The following PDE4B variants were observed in gnomAD, a reference collection of about 807,000 sequenced individuals.
The protein encoded by PDE4B is phosphodiesterase 4B.
In PDE4B, 20 loss-of-function variants were observed where a neutral mutation model predicts 82.2. The ratio of observed to expected loss-of-function variants is 0.24; its 90% CI spans 0.17 to 0.35. The LOEUF is 0.35. PDE4B is among the 10% of genes least tolerant of loss of function. The pLI is 1.00. For synonymous variants in PDE4B, 320 were observed against 318.9 expected, an observed-to-expected ratio of 1.00 and a Z score of -0.04; for missense variants, 655 against 907.2, an observed-to-expected ratio of 0.72 and a Z score of 3.57.
At chr1:66,269,415 A>G (rs1224689733) in intron 7 of PDE4B, among the ~76,000 whole-genome samples, 1 of 152,226 alleles carries the variant, frequency 6.6e-6, no homozygotes, top group Non-Finnish European at 1.5e-5. Context: ...CCAATGTTGT[A>G]GTTTAATGAG....
intron 7 of PDE4B, among the ~76,000 whole-genome samples, chr1:66,328,551 A>C (rs1414827056): frequency 2.0e-5 from 3 of 152,254 alleles, no homozygotes; most frequent in African/African-American, 7.2e-5. Flanking sequence ...CTTGTGTTTT[A>C]TAAATGATGT....
intron 1 of PDE4B, among the ~76,000 whole-genome samples, chr1:65,883,080 T>C (rs1428899836): frequency 6.6e-6 from 1 of 152,196 alleles, no homozygotes; most frequent in African/African-American, 2.4e-5. Context: ...ATATGCTTCA[T>C]AGGTTAAGAG....
At chr1:66,368,591 G>A (rs368557370) in intron 15 of PDE4B, among the ~76,000 whole-genome samples, 196 bp from the exon 16 acceptor site, 3 of 152,156 alleles carry the variant, frequency 2.0e-5, no homozygotes, top group African/African-American at 7.2e-5. Flanking sequence ...TTCCCCTTTG[G>A]GACTCTATAA....
At chr1:66,323,753 T>A (rs139706699) in intron 7 of PDE4B, among the ~76,000 whole-genome samples, 1 of 152,262 alleles carries the variant, frequency 6.6e-6, no homozygotes, top group East Asian at 1.9e-4. Flanking sequence ...AGAAGTAACA[T>A]CTTATGTAAC....
chr1:66,251,880 A>G (rs1653813994), intron 4 of PDE4B, among the ~76,000 whole-genome samples: 1 of 152,226 alleles, frequency 6.6e-6, no homozygotes, highest in African/African-American at 2.4e-5. Flanking sequence ...ATTGGCCTTT[A>G]TGTTGCAAGT....
At chr1:66,104,236 A>G (rs1345936255) in intron 3 of PDE4B, among the ~76,000 whole-genome samples, 5 of 151,854 alleles carry the variant, frequency 3.3e-5, no homozygotes, top group African/African-American at 7.2e-5. Flanking sequence ...ATGATTTCCA[A>G]TTTCATCCAT....
intron 3 of PDE4B, among the ~76,000 whole-genome samples, chr1:66,050,213 T>G (rs1367243804): frequency 6.6e-6 from 1 of 152,122 alleles, no homozygotes; most frequent in South Asian, 2.1e-4. Flanking sequence ...ATATGTTCAA[T>G]TGAGTATCAG....
chr1:66,220,729 G>A (rs1650912785), intron 3 of PDE4B, among the ~76,000 whole-genome samples: 1 of 152,140 alleles, frequency 6.6e-6, no homozygotes, highest in Non-Finnish European at 1.5e-5. Context: ...CAAATTTCAA[G>A]CTTTAGAAAG....
chr1:66,079,166 TTCTCTCTCTC>T (rs148765561), intron 3 of PDE4B, among the ~76,000 whole-genome samples: 402 of 142,302 alleles, frequency 2.8e-3, no homozygotes, highest in Non-Finnish European at 4.3e-3. Flanking sequence ...CCTGCTTCTT[TTCTCTCTCTC>T]TCTCTCTCTC....
At chr1:66,233,815 T>G (rs994628874) in intron 3 of PDE4B, among the ~76,000 whole-genome samples, 1 of 152,212 alleles carries the variant, frequency 6.6e-6, no homozygotes, top group Admixed American at 6.5e-5. Context: ...CATGGAGAAC[T>G]ACATTGATTT....
chr1:66,300,226 C>T (rs1657789998), intron 7 of PDE4B, among the ~76,000 whole-genome samples: 1 of 152,084 alleles, frequency 6.6e-6, no homozygotes, highest in African/African-American at 2.4e-5. Context: ...ATTTTAGTTC[C>T]CCTTTAAGAC....
At chr1:66,090,199 G>A (rs1023521729) in intron 3 of PDE4B, among the ~76,000 whole-genome samples, 1 of 151,946 alleles carries the variant, frequency 6.6e-6, no homozygotes, top group African/African-American at 2.4e-5. Flanking sequence ...TGTATTTGTA[G>A]AATAGCAGAA....
intron 3 of PDE4B, among the ~76,000 whole-genome samples, chr1:65,941,794 T>C (rs1343185775): frequency 6.6e-6 from 1 of 152,078 alleles, no homozygotes; most frequent in East Asian, 1.9e-4. Flanking sequence ...TGCAAAAATA[T>C]AGTATGTTGG....
intron 3 of PDE4B, among the ~76,000 whole-genome samples, chr1:66,101,651 T>C (rs1272238369): frequency 6.6e-6 from 1 of 152,214 alleles, no homozygotes; most frequent in Non-Finnish European, 1.5e-5. Flanking sequence ...TGTCTGTTCA[T>C]ATCCTTTGCC....
At chr1:66,084,686 G>C (rs1656915302) in intron 3 of PDE4B, among the ~76,000 whole-genome samples, 1 of 152,112 alleles carries the variant, frequency 6.6e-6, no homozygotes, top group African/African-American at 2.4e-5. Flanking sequence ...TGGAAGTGAG[G>C]ATCAGATATG....
intron 1 of PDE4B, among the ~76,000 whole-genome samples, chr1:65,857,766 T>C (rs1346723892): frequency 6.6e-6 from 1 of 152,230 alleles, no homozygotes; most frequent in Non-Finnish European, 1.5e-5. Flanking sequence ...CCAGATATAT[T>C]TGTTGGATAA....
intron 1 of PDE4B, among the ~76,000 whole-genome samples, chr1:65,837,475 G>A (rs1164832186): frequency 1.3e-5 from 2 of 152,308 alleles, no homozygotes; most frequent in Non-Finnish European, 2.9e-5. Context: ...AGGTGTGATG[G>A]CCCATGCCTG....
Position 66,072,069 on chromosome 1 carries a change from A to C in PDE4B, c.281+153234A>C, listed in dbSNP as rs182105995. Among the ~76,000 whole-genome samples the C allele has an allele frequency of 1.2e-3, 181 of 152,064 alleles. 2 individuals carry two copies. In the East Asian group the frequency reaches 0.027, roughly 23 times the overall value. ...TTAGCCTACACCTTCATCTCTCTTA[A>C]TCTACCCCTAAGCCACCACACGTAC... On this transcript the variant is annotated intron_variant, in intron 3 of 16. Transcript: ENST00000341517.
At chr1:66,117,585 T>C (rs1645621555) in intron 3 of PDE4B, among the ~76,000 whole-genome samples, 1 of 152,168 alleles carries the variant, frequency 6.6e-6, no homozygotes, top group South Asian at 2.1e-4. Context: ...GCCACAGTTA[T>C]TTCTAAAGTA....
Sources: allele counts gnomAD v4.1 joint callset (sites outside exome capture counted in the v4.1 genomes callset), GRCh38; gene constraint gnomAD v4.1.1; transcripts MANE v1.5; gene names NCBI Gene and HGNC (gene_info 2026-07-23, HGNC 2026-07-21).